The following LRRC4C variants were observed in gnomAD, a reference collection of about 807,000 sequenced individuals.
LRRC4C encodes the protein leucine-rich repeat-containing protein 4C.
LRRC4C carries 5 observed loss-of-function variants against 33.6 expected under a neutral mutation model. That is an observed-to-expected ratio of 0.15 (90% CI 0.08 to 0.31). LRRC4C has a LOEUF of 0.31. LRRC4C is among the 10% of genes least tolerant of loss of function. LRRC4C has a pLI of 1.00. For missense variants in LRRC4C, 560 were observed against 796.7 expected, an observed-to-expected ratio of 0.70 and a Z score of 3.58; for synonymous variants, 329 against 302.0, an observed-to-expected ratio of 1.09 and a Z score of -0.93.
chr11:40,178,321 C>T (rs1860689728), intron 5 of LRRC4C, among the ~76,000 whole-genome samples: 1 of 152,126 alleles, frequency 6.6e-6, no homozygotes, highest in African/African-American at 2.4e-5. Context: ...AATGAACGAG[C>T]AGTTCTGAAG....
rs1236851478 is a variant in LRRC4C at position 40,431,381 on chromosome 11, C to T, written c.-269-111660G>A. Among the ~76,000 whole-genome samples, 7 of 116,406 alleles carry T rather than the reference C, an allele frequency of 6.0e-5. No individual in the cohort carries two copies. The South Asian group carries it at 8.9e-4, about 15-fold the overall frequency. 76.4% of individuals were successfully genotyped at this position (116,406 alleles called of 152,430 possible). On this transcript the variant is annotated intron_variant, in intron 3 of 6. Coordinates refer to ENST00000528697, the MANE Select transcript of LRRC4C (RefSeq NM_001258419.2). ...CTGCACCCCAGCCTGAGTGACAGGG[C>T]GAGACTCTGTCTCAAAAAAAAAAAA...
At chr11:40,524,462 A>C (rs975740011) in intron 3 of LRRC4C, among the ~76,000 whole-genome samples, 4 of 152,178 alleles carry the variant, frequency 2.6e-5, no homozygotes, top group Admixed American at 6.5e-5. Context: ...TCCTCTATTA[A>C]AATAAACTTT....
At chr11:40,981,405 C>T (rs1250154809) in intron 1 of LRRC4C, among the ~76,000 whole-genome samples, 1 of 149,944 alleles carries the variant, frequency 6.7e-6, no homozygotes, top group Non-Finnish European at 1.5e-5. Flanking sequence ...CAGAGCAAGA[C>T]TCCGTCTCAA....
At chr11:41,406,988 C>A (rs1050598972) in intron 1 of LRRC4C, among the ~76,000 whole-genome samples, 2 of 151,974 alleles carry the variant, frequency 1.3e-5, no homozygotes, top group African/African-American at 4.8e-5. Context: ...GGGAAAAAAT[C>A]TTGTAATTAC....
At chr11:41,314,894 T>A (rs1950742859) in intron 1 of LRRC4C, among the ~76,000 whole-genome samples, 1 of 152,172 alleles carries the variant, frequency 6.6e-6, no homozygotes, top group Non-Finnish European at 1.5e-5. Context: ...AACTTCATTT[T>A]CAAAGGCATG....
chr11:40,728,930 G>A (rs1428524645), intron 2 of LRRC4C, among the ~76,000 whole-genome samples: 1 of 124,120 alleles, frequency 8.1e-6, no homozygotes, highest in Non-Finnish European at 1.6e-5. Context: ...TAATTCTTGG[G>A]TACACATCGA....
chr11:40,610,973 AATT>A (rs1222817807), intron 3 of LRRC4C, among the ~76,000 whole-genome samples: 6 of 151,878 alleles, frequency 4.0e-5, no homozygotes, highest in Non-Finnish European at 2.9e-5. Flanking sequence ...GATTCAATGC[AATT>A]ATTATCAAAA....
At position 40,821,529 on chromosome 11, in the gene LRRC4C, T is replaced by C. The variant is rs368279484; in HGVS notation, c.-407+112106A>G. On this transcript the variant is annotated intron_variant, in intron 2 of 6. Coordinates refer to ENST00000528697, the MANE Select transcript of LRRC4C (RefSeq NM_001258419.2). ...ATTAATTTTTTCTTTAATAAATTTA[T>C]ATTTTTTAACAATTTCAAATTAATA... Among the ~76,000 whole-genome samples the C allele has an allele frequency of 4.9e-4, 74 of 151,726 alleles. 1 individual carries two copies. Among genetic ancestry groups the C allele is most frequent in the African/African-American group, 1.8e-3 (73 of 41,544 alleles).
intron 4 of LRRC4C, among the ~76,000 whole-genome samples, chr11:40,242,921 G>C (rs1866031424): frequency 6.6e-6 from 1 of 152,000 alleles, no homozygotes; most frequent in Non-Finnish European, 1.5e-5. Context: ...AAGAGAATAT[G>C]GAATGAGAAG....
At chr11:40,769,064 G>C (rs1949622611) in intron 2 of LRRC4C, among the ~76,000 whole-genome samples, 2 of 151,866 alleles carry the variant, frequency 1.3e-5, no homozygotes, top group Admixed American at 1.3e-4. Flanking sequence ...TGAATAATTT[G>C]ATAATACACA....
intron 5 of LRRC4C, among the ~76,000 whole-genome samples, chr11:40,220,528 G>A (rs1370609770): frequency 1.3e-5 from 2 of 152,100 alleles, no homozygotes; most frequent in African/African-American, 4.8e-5. Flanking sequence ...CTTGCAGAGT[G>A]CTTCTGAAGT....
chr11:40,965,462 G>T (rs1405028304), intron 1 of LRRC4C, among the ~76,000 whole-genome samples: 1 of 152,076 alleles, frequency 6.6e-6, no homozygotes, highest in Non-Finnish European at 1.5e-5. Flanking sequence ...GTCCTGAATG[G>T]TATTGCTTAG....
chr11:40,659,429 G>C (rs1943307600), intron 2 of LRRC4C, among the ~76,000 whole-genome samples: 1 of 152,102 alleles, frequency 6.6e-6, no homozygotes, highest in Non-Finnish European at 1.5e-5. Context: ...TGAAGCCTGG[G>C]GTCCAGGCTA....
At chr11:40,783,203 T>C (rs1367598760) in intron 2 of LRRC4C, among the ~76,000 whole-genome samples, 2 of 152,230 alleles carry the variant, frequency 1.3e-5, no homozygotes, top group Non-Finnish European at 2.9e-5. Context: ...GTTAATTGTA[T>C]GTCTATATAA....
intron 3 of LRRC4C, among the ~76,000 whole-genome samples, chr11:40,337,067 A>G (rs908759330): frequency 6.6e-6 from 1 of 151,534 alleles, no homozygotes; most frequent in Non-Finnish European, 1.5e-5. Context: ...CAAGAAGCGC[A>G]CATCCGAAGC....
chr11:40,340,379 G>A (rs76410259), intron 3 of LRRC4C, among the ~76,000 whole-genome samples: 6,850 of 152,188 alleles, frequency 0.045, 204 homozygotes, highest in East Asian at 0.14. Flanking sequence ...AAAACTAACA[G>A]TGTTGAATTA....
intron 3 of LRRC4C, among the ~76,000 whole-genome samples, chr11:40,646,031 G>GT (rs57017910): frequency 0.026 from 3,749 of 141,568 alleles, 109 homozygotes; most frequent in African/African-American, 0.076. Flanking sequence ...ATTCCTCAGT[G>GT]TTTTTTTTTT....
chr11:40,641,512 G>A (rs1342966362), intron 3 of LRRC4C, among the ~76,000 whole-genome samples: 2 of 152,230 alleles, frequency 1.3e-5, no homozygotes, highest in African/African-American at 4.8e-5. Context: ...TTAATCTTGT[G>A]AATATTCACT....
intron 1 of LRRC4C, among the ~76,000 whole-genome samples, chr11:41,134,748 A>C (rs1943180247): frequency 6.6e-6 from 1 of 152,172 alleles, no homozygotes; most frequent in Admixed American, 6.6e-5. Context: ...TTAACTAGTT[A>C]CATGTCCAAT....
Sources: allele counts gnomAD v4.1 joint callset (sites outside exome capture counted in the v4.1 genomes callset), GRCh38; gene constraint gnomAD v4.1.1; transcripts MANE v1.5; gene names NCBI Gene and HGNC (gene_info 2026-07-23, HGNC 2026-07-21).